INPP4B: variants seen among roughly 807,000 people sequenced by gnomAD.
INPP4B encodes the protein inositol polyphosphate 4-phosphatase type II.
INPP4B carries 55 observed loss-of-function variants against 122.5 expected under a neutral mutation model. The ratio of observed to expected loss-of-function variants is 0.45; its 90% confidence interval spans 0.36 to 0.56. The LOEUF (loss-of-function observed/expected upper bound fraction) is 0.56. Among genes scored for constraint, INPP4B ranks in the 20% least tolerant of loss-of-function variants. The pLI, the probability that INPP4B is intolerant of heterozygous loss-of-function variation, is 0.00. For missense variants in INPP4B, 1,000 were observed against 1,097.7 expected, an observed-to-expected ratio of 0.91 and a Z score of 1.26; for synonymous variants, 403 against 388.7, an observed-to-expected ratio of 1.04 and a Z score of -0.43.
intron 3 of INPP4B, among the ~76,000 whole-genome samples, chr4:142,433,705 C>T (rs1294207003): frequency 1.3e-5 from 2 of 152,144 alleles, no homozygotes; most frequent in Non-Finnish European, 1.5e-5. Context: ...AACATTAGTA[C>T]AGCACTGTTC....
At chr4:142,427,447 A>G (rs762468591) in intron 5 of INPP4B, 11 of 667,424 alleles carry the variant, frequency 1.6e-5, no homozygotes, top group Non-Finnish European at 2.5e-5. Context: ...AAATTCTTGC[A>G]GCTGCTAATC....
chr4:142,060,581 A>T (rs2152433685), intron 25 of INPP4B, among the ~76,000 whole-genome samples: 1 of 152,306 alleles, frequency 6.6e-6, no homozygotes, highest in African/African-American at 2.4e-5. Flanking sequence ...TGGTTCCACC[A>T]CGTCTTAGCT....
chr4:142,227,173 C>T (rs1351706179), intron 12 of INPP4B, among the ~76,000 whole-genome samples: 3 of 152,004 alleles, frequency 2.0e-5, no homozygotes, highest in African/African-American at 7.2e-5. Flanking sequence ...TACTTAGAAC[C>T]AAGCATGAAG....
chr4:142,081,960 T>G, intron 25 of INPP4B, 71 bp downstream of exon 25: 1 of 1,150,790 alleles, frequency 8.7e-7, no homozygotes, highest in Non-Finnish European at 1.2e-6. Flanking sequence ...AAAATATGTA[T>G]TTTGAAAAAA....
rs1736318370 is a variant in INPP4B, at chr4:142,586,822, T to C, written c.-190-124096A>G. On this transcript the variant is annotated intron_variant, in intron 2 of 25. Coordinates refer to ENST00000262992, the MANE Select transcript of INPP4B (RefSeq NM_001101669.3). ...CTGAGGAGTGATATTTAGGGTGATA[T>C]CTGAAGAATGTATTTGAACTAGCCA... is the stretch of plus-strand genomic sequence containing the variant. Among the ~76,000 whole-genome samples, 3 of 152,164 alleles carry C rather than the reference T, an allele frequency of 2.0e-5. No individual in the cohort carries two copies. In the South Asian group the frequency reaches 6.2e-4, roughly 32 times the overall value.
At chr4:142,139,138 G>A (rs1806345909) in intron 18 of INPP4B, among the ~76,000 whole-genome samples, 1 of 152,060 alleles carries the variant, frequency 6.6e-6, no homozygotes. Flanking sequence ...CGTGTTCCTG[G>A]ATACAGTGAC....
chr4:142,138,889 C>T (rs1197097377), intron 18 of INPP4B, among the ~76,000 whole-genome samples: 1 of 152,202 alleles, frequency 6.6e-6, no homozygotes, highest in Non-Finnish European at 1.5e-5. Flanking sequence ...ACTTCTGACA[C>T]CTCATCTGAG....
At chr4:142,239,075 T>A (rs1480759739) in intron 11 of INPP4B, among the ~76,000 whole-genome samples, 1 of 152,124 alleles carries the variant, frequency 6.6e-6, no homozygotes, top group South Asian at 2.1e-4. Flanking sequence ...AAAATTCTTT[T>A]CAAAATTTTA....
intron 12 of INPP4B, among the ~76,000 whole-genome samples, chr4:142,211,870 C>T (rs1845051800): frequency 6.6e-6 from 1 of 152,150 alleles, no homozygotes; most frequent in African/African-American, 2.4e-5. Context: ...GCCAAAACTA[C>T]TGTGAATCCT....
intron 2 of INPP4B, among the ~76,000 whole-genome samples, chr4:142,593,084 A>G (rs1205834082): frequency 1.3e-5 from 2 of 151,336 alleles, no homozygotes; most frequent in Non-Finnish European, 2.9e-5. Context: ...AGCCTGGGTG[A>G]TACAGTGAGA....
intron 18 of INPP4B, among the ~76,000 whole-genome samples, chr4:142,144,400 A>G (rs559889159): frequency 2.0e-5 from 3 of 152,166 alleles, no homozygotes; most frequent in East Asian, 3.9e-4. Flanking sequence ...GAAAAAATCT[A>G]TCAATGGACA....
At chr4:142,642,635 T>C (rs1750773397) in intron 2 of INPP4B, among the ~76,000 whole-genome samples, 1 of 152,234 alleles carries the variant, frequency 6.6e-6, no homozygotes, top group Non-Finnish European at 1.5e-5. Flanking sequence ...ATATCTCTGT[T>C]TTGGTACCAG....
intron 3 of INPP4B, among the ~76,000 whole-genome samples, chr4:142,451,363 G>T (rs563750223): frequency 6.9e-5 from 10 of 145,958 alleles, no homozygotes; most frequent in Admixed American, 4.3e-4. Context: ...CAATTCTCCT[G>T]CCTCAGCCTC....
At chr4:142,231,900 C>T (rs1854538429) in intron 12 of INPP4B, among the ~76,000 whole-genome samples, 1 of 152,124 alleles carries the variant, frequency 6.6e-6, no homozygotes, top group Non-Finnish European at 1.5e-5. Context: ...ATCCTGACTT[C>T]ATAGAAGTCA....
intron 11 of INPP4B, among the ~76,000 whole-genome samples, chr4:142,253,149 T>C (rs139781599): frequency 6.6e-6 from 1 of 152,232 alleles, no homozygotes; most frequent in East Asian, 1.9e-4. Context: ...TTAAAAATGG[T>C]ACACCTGTAA....
intron 1 of INPP4B, among the ~76,000 whole-genome samples, chr4:142,821,425 T>G (rs1235142783): frequency 1.3e-5 from 2 of 152,078 alleles, no homozygotes; most frequent in African/African-American, 2.4e-5. Flanking sequence ...GTTCTTTCTT[T>G]GTTGCTTAGA....
At chr4:142,295,938 C>A (rs1758505737) in intron 9 of INPP4B, among the ~76,000 whole-genome samples, 1 of 152,084 alleles carries the variant, frequency 6.6e-6, no homozygotes, top group Non-Finnish European at 1.5e-5. Flanking sequence ...ATGGGCAAAT[C>A]CAATACAAAA....
At chr4:142,362,487 A>T (rs1389447252) in intron 7 of INPP4B, among the ~76,000 whole-genome samples, 3 of 152,052 alleles carry the variant, frequency 2.0e-5, no homozygotes, top group Non-Finnish European at 4.4e-5. Context: ...AATACTATTA[A>T]AAATTATTTA....
chr4:142,457,517 A>G (rs964727995), intron 3 of INPP4B, among the ~76,000 whole-genome samples: 69 of 152,208 alleles, frequency 4.5e-4, no homozygotes, highest in African/African-American at 1.6e-3. Flanking sequence ...AGATATATTG[A>G]TGCTAAATAA....
Sources: allele counts gnomAD v4.1 joint callset (sites outside exome capture counted in the v4.1 genomes callset), GRCh38; gene constraint gnomAD v4.1.1; transcripts MANE v1.5; gene names NCBI Gene and HGNC (gene_info 2026-07-23, HGNC 2026-07-21).